The following CDH23 variants were observed in gnomAD, a reference collection of about 807,000 sequenced individuals.
The protein encoded by CDH23 is cadherin related 23.
In CDH23, 189 loss-of-function variants were observed where a neutral mutation model predicts 317.1. That is an observed-to-expected ratio of 0.60 (90% CI 0.53 to 0.67). CDH23 has a LOEUF of 0.67. Among genes scored for constraint, CDH23 ranks in the 30% least tolerant of loss-of-function variants. CDH23 has a pLI of 0.00. For synonymous variants in CDH23, 1,839 were observed against 1,876.8 expected, an observed-to-expected ratio of 0.98 and a Z score of 0.52; for missense variants, 4,401 against 4,592.4, an observed-to-expected ratio of 0.96 and a Z score of 1.20.
intron 14 of CDH23, among the ~76,000 whole-genome samples, chr10:71,654,694 G>A: frequency 6.6e-6 from 1 of 152,182 alleles, no homozygotes; most frequent in East Asian, 1.9e-4. Context: ...TTTGGCTGAA[G>A]GGTGAGTGCA....
chr10:71,592,277 A>T (rs1859546122), intron 9 of CDH23, among the ~76,000 whole-genome samples: 1 of 152,202 alleles, frequency 6.6e-6, no homozygotes, highest in African/African-American at 2.4e-5. Flanking sequence ...GGAACTAGGA[A>T]CGAAGCTTGG....
intron 41 of CDH23, among the ~76,000 whole-genome samples, chr10:71,782,699 G>A (rs911264277): frequency 2.0e-5 from 3 of 152,250 alleles, no homozygotes; most frequent in Non-Finnish European, 4.4e-5. Flanking sequence ...AGGAGAGCAA[G>A]AGGCCCTCTG....
At chr10:71,782,777 A>G (rs1840990876) in intron 41 of CDH23, among the ~76,000 whole-genome samples, 1 of 152,220 alleles carries the variant, frequency 6.6e-6, no homozygotes, top group African/African-American at 2.4e-5. Context: ...AGTTCTTTGG[A>G]GACCTTGGGG....
At chr10:71,680,281 G>A (rs1165065310) in intron 17 of CDH23, among the ~76,000 whole-genome samples, 1 of 152,216 alleles carries the variant, frequency 6.6e-6, no homozygotes, top group Admixed American at 6.5e-5. Flanking sequence ...CCCCTGGCTA[G>A]CTTTAAGGGC....
At chr10:71,790,629 C>A in intron 46 of CDH23, 1 of 612,180 alleles carries the variant, frequency 1.6e-6, no homozygotes, top group Non-Finnish European at 2.8e-6. Flanking sequence ...TACACAGGAC[C>A]TCTGTTGGTG....
chr10:71,465,067 C>T (rs1184730700), intron 3 of CDH23, among the ~76,000 whole-genome samples: 1 of 152,238 alleles, frequency 6.6e-6, no homozygotes, highest in African/African-American at 2.4e-5. Flanking sequence ...AGAGCTAATA[C>T]AGTAGTCATT....
chr10:71,537,435 A>G lies in CDH23; in HGVS notation c.429+26223A>G, dbSNP rs1855762789. On this transcript the variant is annotated intron_variant, in intron 6 of 69. Coordinates refer to ENST00000224721, the MANE Select transcript of CDH23 (RefSeq NM_022124.6). Reference sequence around the variant, plus strand: ...CTAGCATTCCTGCCCCCCTCAAAAAAGTCAAGACACTAGAAAACACATTCA... The same window carrying G: ...CTAGCATTCCTGCCCCCCTCAAAAAGGTCAAGACACTAGAAAACACATTCA... 3.3e-5 allele frequency among the ~76,000 whole-genome samples: 5 copies of G among 152,242 alleles called. No individual in the cohort carries two copies. The South Asian group carries it at 1.0e-3, about 32-fold the overall frequency.
At chr10:71,482,227 C>T (rs1852105966) in intron 3 of CDH23, among the ~76,000 whole-genome samples, 1 of 152,084 alleles carries the variant, frequency 6.6e-6, no homozygotes, top group Admixed American at 6.5e-5. Flanking sequence ...TCACTTTCTT[C>T]CTCCCTCCTT....
intron 6 of CDH23, among the ~76,000 whole-genome samples, chr10:71,554,977 G>A (rs949758902): frequency 3.3e-5 from 5 of 152,128 alleles, no homozygotes; most frequent in Admixed American, 2.6e-4. Context: ...TCCTAATCAG[G>A]CCAGTGTGCA....
intron 55 of CDH23, among the ~76,000 whole-genome samples, chr10:71,804,213 G>A (rs371595476): frequency 8.6e-5 from 13 of 151,912 alleles, no homozygotes; most frequent in African/African-American, 2.4e-4. Flanking sequence ...AAACACACAC[G>A]CCCCTTCCAT....
At position 71,716,048 on chromosome 10, in the gene CDH23, C is replaced by T. The variant is rs768880468; in HGVS notation, c.3369+3235C>T. The stretch of plus-strand genomic sequence containing the variant: ...ATGGCGGAAGCTGTGCAGGGAGAGG[C>T]GCAAGGAGCCCAGGCGCTTCCAGAG... On this transcript the variant is annotated intron_variant, in intron 28 of 69. Coordinates refer to ENST00000224721, the MANE Select transcript of CDH23 (RefSeq NM_022124.6). The T allele has an allele frequency of 1.8e-5, 27 of 1,507,410 alleles. No individual in the cohort carries two copies. In the South Asian group the frequency reaches 1.9e-4, roughly 11 times the overall value. 93.4% of individuals were successfully genotyped at this position (1,507,410 alleles called of 1,614,324 possible). A position where few individuals can be genotyped will look rare whatever the true frequency, so the allele number is the denominator to read the frequency against.
chr10:71,533,783 C>T (rs1313588373), intron 6 of CDH23, among the ~76,000 whole-genome samples: 5 of 152,108 alleles, frequency 3.3e-5, no homozygotes, highest in South Asian at 4.2e-4. Context: ...GCTGCAGAGA[C>T]GGTAGATGGG....
chr10:71,605,183 G>C (rs1356754718), intron 9 of CDH23, among the ~76,000 whole-genome samples: 1 of 151,680 alleles, frequency 6.6e-6, no homozygotes, highest in Non-Finnish European at 1.5e-5. Context: ...TTGTACAACT[G>C]TCACCACTAG....
rs528720730 is a variant in CDH23 at position 71,645,953 on chromosome 10, C to T, written c.1263C>T (p.Tyr421=). The T allele has an allele frequency of 1.2e-5, 19 of 1,613,274 alleles. 1 individual carries two copies. In the Middle Eastern group the frequency reaches 6.6e-4, roughly 56 times the overall value. Residue 421 remains tyrosine (Y), a synonymous_variant, in exon 13 of 70, where the codon TAC becomes TAT. Coordinates refer to ENST00000224721, the MANE Select transcript of CDH23 (RefSeq NM_022124.6). ...IRIRVAIPLD[Y]ETVDRYDFDL... ...TTCGGGTGGCCATCCCACTGGACTA[C>T]GAGACCGTGGACCGCTACGACTTTG... is the stretch of plus-strand genomic sequence containing the variant.
intron 9 of CDH23, among the ~76,000 whole-genome samples, chr10:71,606,981 CATA>C (rs1860565740): frequency 6.6e-6 from 1 of 152,330 alleles, no homozygotes; most frequent in African/African-American, 2.4e-5. Context: ...CGCTGGCTGC[CATA>C]TGTTGATCGT....
intron 6 of CDH23, among the ~76,000 whole-genome samples, chr10:71,548,946 A>C (rs1047137295): frequency 6.6e-6 from 1 of 152,274 alleles, no homozygotes; most frequent in Non-Finnish European, 1.5e-5. Context: ...AGACAGAGAC[A>C]GTAAATAATT....
intron 68 of CDH23, 62 bp downstream of exon 68, chr10:71,812,952 G>C (rs1472447391): frequency 6.3e-7 from 1 of 1,596,324 alleles, no homozygotes; most frequent in African/African-American, 1.3e-5. Flanking sequence ...CCACTCCAGA[G>C]AACACAGGGT....
rs1589439973 is a variant in CDH23 at position 71,812,812 on chromosome 10, C to T, written c.9555C>T (p.Asp3185=). 6.2e-7 allele frequency: 1 copy of T among 1,613,462 alleles called. No homozygotes were observed. Among genetic ancestry groups the T allele is most frequent in the Non-Finnish European group, 8.5e-7 (1 of 1,179,624 alleles). Residue 3185 remains aspartate (D), a synonymous_variant, in exon 68 of 70, where the codon GAC becomes GAT. Coordinates refer to ENST00000224721, the MANE Select transcript of CDH23 (RefSeq NM_022124.6). ...CAGCAGCTGTCAAGCCTGATGATGA[C>T]CGATACCTGCGGGCTGCCATCCAGG... is the stretch of plus-strand genomic sequence containing the variant. ...REPAAVKPDD[D]RYLRAAIQEY...
intron 55 of CDH23, 39 bp downstream of exon 55, chr10:71,803,459 C>T (rs1356390028): frequency 6.5e-7 from 1 of 1,530,136 alleles, no homozygotes; most frequent in Non-Finnish European, 8.9e-7. Context: ...ACCAGTATTT[C>T]CTTCTTCCAG....
Sources: gnomAD v4.1 joint callset for allele counts (sites outside exome capture counted in the v4.1 genomes callset) on GRCh38, gnomAD v4.1.1 for gene constraint, MANE v1.5 for transcripts, NCBI Gene and HGNC (gene_info 2026-07-23, HGNC 2026-07-21) for gene names.